Variants in KRT8 observed in about 807,000 individuals in gnomAD.
KRT8 encodes the protein keratin, type II cytoskeletal 8.
A neutral mutation model predicts 43.0 loss-of-function variants in KRT8; 24 were observed. That is an observed-to-expected ratio of 0.56 (90% CI 0.40 to 0.78). The LOEUF (loss-of-function observed/expected upper bound fraction) is 0.78, where lower values mean the gene tolerates loss of function less well. Ranked by LOEUF, KRT8 falls within the 30% of genes least tolerant of loss-of-function variation. KRT8 has a pLI of 0.00. For synonymous variants in KRT8, 214 were observed against 261.2 expected, an observed-to-expected ratio of 0.82 and a Z score of 1.74; for missense variants, 492 against 638.4, an observed-to-expected ratio of 0.77 and a Z score of 2.47.
chr12:52,906,438 C>A (rs956379799), upstream of KRT8: 2 of 313,012 alleles, frequency 6.4e-6, no homozygotes, highest in African/African-American at 4.4e-5. Flanking sequence ...CCCAACGGGC[C>A]AGAGGAAATA....
chr12:52,901,892 G>C (rs199422323), exon 2 of KRT8: 8 of 1,611,218 alleles, frequency 5.0e-6, no homozygotes, highest in South Asian at 2.2e-5. Flanking sequence ...ACCAGCCCCT[G>C]CATGTTGCCA....
At position 52,900,546 on chromosome 12, in the gene KRT8, C is replaced by G. The variant is rs199935897; in HGVS notation, c.690+42G>C. ...TTGAGTCTCAGGGTGGAGGCGCTGA[C>G]AAGGCTGGGGGACCCTCACTCTCCT... On this transcript the variant is annotated intron_variant, in intron 4 of 7. Coordinates refer to ENST00000692008, the Ensembl canonical transcript of KRT8. The G allele has an allele frequency of 3.0e-6, 4 of 1,339,982 alleles. No individual in the cohort carries two copies. The South Asian group carries it at 4.7e-5, about 16-fold the overall frequency. The allele number at this position is 1,339,982 out of a possible 1,614,324, so 83.0% of individuals were successfully genotyped here. A position where few individuals can be genotyped will look rare whatever the true frequency, so the allele number is the denominator to read the frequency against.
At chr12:52,930,578 T>A (rs1258918244) in intron 2 of KRT8, among the ~76,000 whole-genome samples, 1 of 151,932 alleles carries the variant, frequency 6.6e-6, no homozygotes, top group Non-Finnish European at 1.5e-5. Context: ...TTCCTTTTTT[T>A]GAGACAAAGT....
chr12:52,947,684 G>A (rs1456072589), intron 2 of KRT8: 1 of 149,534 alleles, frequency 6.7e-6, no homozygotes, highest in African/African-American at 2.5e-5. Flanking sequence ...CACCATGTTG[G>A]TCAGGCTGGT....
chr12:52,902,738 G>A (rs972476914), intron 1 of KRT8, among the ~76,000 whole-genome samples: 9 of 152,034 alleles, frequency 5.9e-5, no homozygotes, highest in African/African-American at 2.2e-4. Flanking sequence ...GAGGCCGGGC[G>A]TGGAGGCTCA....
chr12:52,939,736 G>GA (rs1445120108), intron 2 of KRT8, among the ~76,000 whole-genome samples: 11 of 149,722 alleles, frequency 7.3e-5, no homozygotes, highest in Non-Finnish European at 1.2e-4. Flanking sequence ...AAAAAAAAAA[G>GA]AAAAAAAGGA....
chr12:52,935,399 A>AGAAAAAG lies in KRT8; in HGVS notation c.-47+14056_-47+14057insCTTTTTC, dbSNP rs750913655. On this transcript the variant is annotated intron_variant, in intron 2 of 6. Transcript: ENST00000546826. ...GTCTCAAAAAAAAAAAAAAAAAAAAAAAAAAAAAAAAGGCCGGGCACAGTG... is the reference window on the plus strand; with the variant it reads ...GTCTCAAAAAAAAAAAAAAAAAAAAAGAAAAAGAAAAAAAAAAAGGCCGGGCACAGTG... 8.3e-4 allele frequency among the ~76,000 whole-genome samples: 116 copies of AGAAAAAG among 140,428 alleles called. 1 individual carries two copies. The highest frequency in any genetic ancestry group is 2.7e-3 in the East Asian group (12 of 4,490). The allele number at this position is 140,428 out of a possible 152,430, so 92.1% of individuals were successfully genotyped here.
Position 52,915,066 on chromosome 12 carries a change from A to G in KRT8, c.-46-10039T>C, listed in dbSNP as rs186221391. ...GTGATCAGCCCCACCCAACCTATAGAGAAAGGGGAAAAAAAATGTGATTTG... is the reference window on the plus strand; with the variant it reads ...GTGATCAGCCCCACCCAACCTATAGGGAAAGGGGAAAAAAAATGTGATTTG... On this transcript the variant is annotated intron_variant, in intron 2 of 6. Coordinates refer to the KRT8 transcript ENST00000546826. 3.5e-3 allele frequency among the ~76,000 whole-genome samples: 531 copies of G among 152,162 alleles called. 3 individuals are homozygous for G. The highest frequency in any genetic ancestry group is 5.6e-3 in the Non-Finnish European group (384 of 67,990).
chr12:52,925,215 G>A (rs969506089), intron 2 of KRT8, among the ~76,000 whole-genome samples: 2 of 152,174 alleles, frequency 1.3e-5, no homozygotes, highest in African/African-American at 4.8e-5. Flanking sequence ...ACAAGGTCAG[G>A]ACCGGGAGGA....
upstream of KRT8, among the ~76,000 whole-genome samples, chr12:52,906,309 G>A (rs541232725): frequency 1.1e-4 from 16 of 152,234 alleles, no homozygotes; most frequent in South Asian, 2.1e-4. Flanking sequence ...CTCTTTGCGG[G>A]AGTCACTCCC....
At chr12:52,915,012 T>C (rs868313654) in intron 2 of KRT8, among the ~76,000 whole-genome samples, 5 of 152,146 alleles carry the variant, frequency 3.3e-5, no homozygotes, top group African/African-American at 7.2e-5. Flanking sequence ...TTGACTAGAC[T>C]AGACCACATA....
chr12:52,897,383 G>C lies in KRT8; in HGVS notation c.*45C>G, dbSNP rs537786190. On this transcript the variant is annotated 3_prime_UTR_variant, in exon 8 of 8. Coordinates refer to ENST00000692008, the Ensembl canonical transcript of KRT8. ...CATAGCGGCCTCCTTCCCAGGCTCTGGGGCAGCGCAGGAGGGGTAGGCTGG... is the reference window on the plus strand; with the variant it reads ...CATAGCGGCCTCCTTCCCAGGCTCTCGGGCAGCGCAGGAGGGGTAGGCTGG... The C allele has an allele frequency of 4.5e-5, 70 of 1,538,774 alleles. No individual in the cohort carries two copies. In the South Asian group the frequency reaches 6.2e-4, roughly 14 times the overall value.
At chr12:52,931,102 C>T (rs112433325) in intron 2 of KRT8, among the ~76,000 whole-genome samples, 3,717 of 149,684 alleles carry the variant, frequency 0.025, 68 homozygotes, top group Non-Finnish European at 0.034. Context: ...GAGTGTCGCT[C>T]TGTTGCCCAG....
At chr12:52,916,075 A>G (rs916728958) in intron 2 of KRT8, among the ~76,000 whole-genome samples, 6 of 152,186 alleles carry the variant, frequency 3.9e-5, no homozygotes, top group African/African-American at 1.4e-4. Flanking sequence ...CGGGATTCCT[A>G]TGGAAGAGTA....
At chr12:52,909,353 G>T (rs2120605264), upstream of KRT8, among the ~76,000 whole-genome samples, 1 of 152,288 alleles carries the variant, frequency 6.6e-6, no homozygotes, top group South Asian at 2.1e-4. Context: ...GTTATTATTG[G>T]TATAGAAATA....
At chr12:52,941,421 T>C (rs1405725768) in intron 2 of KRT8, among the ~76,000 whole-genome samples, 1 of 151,078 alleles carries the variant, frequency 6.6e-6, no homozygotes, top group Non-Finnish European at 1.5e-5. Context: ...CGGTGCCAAG[T>C]GTTCTATCTG....
chr12:52,915,373 C>CAA (rs566362747), intron 2 of KRT8, among the ~76,000 whole-genome samples: 31 of 129,154 alleles, frequency 2.4e-4, no homozygotes, highest in South Asian at 5.1e-4. Flanking sequence ...GACTCCATCT[C>CAA]AAAAAAAAAA....
chr12:52,915,863 C>T (rs1206290060), intron 2 of KRT8, among the ~76,000 whole-genome samples: 1 of 152,200 alleles, frequency 6.6e-6, no homozygotes, highest in Admixed American at 6.5e-5. Flanking sequence ...ACACACCGAG[C>T]CCTTCTATAA....
chr12:52,930,451 C>T (rs7308255), intron 2 of KRT8, among the ~76,000 whole-genome samples: 1,732 of 152,326 alleles, frequency 0.011, 36 homozygotes, highest in African/African-American at 0.039. Context: ...GAACTCTCGA[C>T]CTCAGGCGAT....
Sources: allele counts gnomAD v4.1 joint callset (sites outside exome capture counted in the v4.1 genomes callset), GRCh38; gene constraint gnomAD v4.1.1; transcripts MANE v1.5; gene names NCBI Gene and HGNC (gene_info 2026-07-23, HGNC 2026-07-21).